Variants in KNDC1 observed in about 807,000 individuals in gnomAD.
The protein encoded by KNDC1 is kinase non-catalytic C-lobe domain-containing protein 1.
In KNDC1, 106 loss-of-function variants were observed where a neutral mutation model predicts 172.8. The observed-to-expected ratio is 0.61, with a 90% CI of 0.52 to 0.72. The LOEUF is 0.72. KNDC1 is among the 30% of genes least tolerant of loss of function. KNDC1 has a pLI of 0.00. For missense variants in KNDC1, 2,325 were observed against 2,394.5 expected (o/e 0.97, Z 0.61); for synonymous variants, 1,083 against 1,062.2 (o/e 1.02, Z -0.38).
intron 20 of KNDC1, among the ~76,000 whole-genome samples, chr10:133,207,581 G>A (rs1308543378): frequency 6.6e-6 from 1 of 152,260 alleles, no homozygotes; most frequent in South Asian, 2.1e-4. Context: ...GTCTCAGGGT[G>A]CGCCTGGTGG....
chr10:133,197,006 T>C (rs367781585), intron 10 of KNDC1, 52 bp from the exon 11 acceptor site: 10 of 1,437,132 alleles, frequency 7.0e-6, no homozygotes, highest in Non-Finnish European at 9.8e-6. Context: ...ACGGGGACGG[T>C]GCAGCCGTGG....
At chr10:133,193,888 T>C (rs1351153510) in intron 9 of KNDC1, among the ~76,000 whole-genome samples, 1 of 152,208 alleles carries the variant, frequency 6.6e-6, no homozygotes, top group Non-Finnish European at 1.5e-5. Flanking sequence ...ATCCTAAACA[T>C]ATATGCACCA....
chr10:133,191,324 A>T (rs1446686166), intron 9 of KNDC1, among the ~76,000 whole-genome samples: 1 of 151,788 alleles, frequency 6.6e-6, no homozygotes, highest in African/African-American at 2.4e-5. Flanking sequence ...GATTGTTTGA[A>T]CCCAGGAGGT....
In KNDC1 at chr10:133,167,586, C is replaced by G. The variant is rs755275661; in HGVS notation, c.301+7C>G. 1 of 1,574,460 alleles carries G rather than the reference C, an allele frequency of 6.4e-7. No homozygotes were observed. On this transcript the variant is annotated splice_region_variant and intron_variant, in intron 2 of 29. Coordinates refer to ENST00000304613, the MANE Select transcript of KNDC1 (RefSeq NM_152643.8). ...TTCATGGAGCAGCTCAGCGGTGAGG[C>G]GGCGGTGGCGGTGGCGGCGGCGGCG...
In KNDC1 at chr10:133,225,219, G is replaced by A. The variant is rs1174784832; in HGVS notation, c.*329G>A. 1.9e-5 allele frequency: 6 copies of A among 319,478 alleles called. No individual in the cohort carries two copies. The highest frequency in any genetic ancestry group is 4.7e-5 in the Admixed American group (1 of 21,126). 19.8% of individuals were successfully genotyped at this position (319,478 alleles called of 1,614,324 possible). A position where few individuals can be genotyped will look rare whatever the true frequency, so the allele number is the denominator to read the frequency against. On this transcript the variant is annotated 3_prime_UTR_variant, in exon 30 of 30. Transcript: ENST00000304613. ...CTGCGCCTCTCACACACAGATAAGTGGCTCTTACCCAGCTCTCAGTGACTC... is the reference window on the plus strand; with the variant it reads ...CTGCGCCTCTCACACACAGATAAGTAGCTCTTACCCAGCTCTCAGTGACTC...
At chr10:133,161,961 C>G (rs1276570765) in intron 1 of KNDC1, among the ~76,000 whole-genome samples, 1 of 152,146 alleles carries the variant, frequency 6.6e-6, no homozygotes, top group Non-Finnish European at 1.5e-5. Context: ...GGCTGTCTTT[C>G]TGCACACTCC....
intron 10 of KNDC1, among the ~76,000 whole-genome samples, 162 bp from the exon 11 acceptor site, chr10:133,196,896 C>CT (rs1333727394): frequency 6.6e-6 from 1 of 152,162 alleles, no homozygotes; most frequent in African/African-American, 2.4e-5. Context: ...AGGAAATGCT[C>CT]TAAGAAAGGC....
In KNDC1 at chr10:133,199,237, T is replaced by C. The variant is rs766750569; in HGVS notation, c.2729T>C (p.Leu910Pro). The C allele has an allele frequency of 3.6e-5, 56 of 1,568,396 alleles. No individual in the cohort carries two copies. Among genetic ancestry groups the C allele is most frequent in the Non-Finnish European group, 4.8e-5 (56 of 1,155,686 alleles). ...IQEEFAFDGY[L>P]DNGLEALIMG... ...GAGGAATTTGCCTTCGATGGCTACC[T>C]GGACAATGGGCTGGAGGCTCTGATC... The change falls in exon 14 of 30, where the codon CTG (leucine) becomes CCG (proline). Residue 910 changes from leucine to proline, a missense_variant. Transcript: ENST00000304613.
At chr10:133,176,480 C>T (rs1853542091) in intron 3 of KNDC1, among the ~76,000 whole-genome samples, 1 of 152,116 alleles carries the variant, frequency 6.6e-6, no homozygotes, top group Admixed American at 6.5e-5. Flanking sequence ...GGTCTCCTGC[C>T]CTCTGTGTGT....
intron 26 of KNDC1, 47 bp downstream of exon 26, chr10:133,214,169 C>T: frequency 6.2e-7 from 1 of 1,604,558 alleles, no homozygotes; most frequent in South Asian, 1.1e-5. Context: ...TGGGGCCCAC[C>T]TACGCGGGGG....
At chr10:133,177,602 T>C (rs919309339) in intron 3 of KNDC1, among the ~76,000 whole-genome samples, 2 of 152,034 alleles carry the variant, frequency 1.3e-5, no homozygotes, top group African/African-American at 4.8e-5. Flanking sequence ...CACATGTGCA[T>C]AATGCATGTG....
In KNDC1 at chr10:133,168,982, C is replaced by T. The variant is rs144865878; in HGVS notation, c.360+670C>T. On this transcript the variant is annotated intron_variant, in intron 3 of 29. Transcript: ENST00000304613. ...GGAATCACCCCGGGGCCTTCAGAGTCGATCAGTCCATCAGGCTGGGCTCTG... is the reference window on the plus strand; with the variant it reads ...GGAATCACCCCGGGGCCTTCAGAGTTGATCAGTCCATCAGGCTGGGCTCTG... Among the ~76,000 whole-genome samples, 917 of 152,326 alleles carry T rather than the reference C, an allele frequency of 6.0e-3. 6 individuals are homozygous for T. Among genetic ancestry groups the T allele is most frequent in the Non-Finnish European group, 8.0e-3 (543 of 68,026 alleles).
Position 133,219,100 on chromosome 10 carries a change from C to T in KNDC1, c.4860+10C>T, listed in dbSNP as rs777317729. 8 of 1,612,750 alleles carry T rather than the reference C, an allele frequency of 5.0e-6. No individual in the cohort carries two copies. The South Asian group carries it at 6.6e-5, about 13-fold the overall frequency. ...GCTGAAAGCCGTGGAGGTACCAGCACTTTACGTGGCCGGGCGGCTTTGGTC... is the reference window on the plus strand; with the variant it reads ...GCTGAAAGCCGTGGAGGTACCAGCATTTTACGTGGCCGGGCGGCTTTGGTC... On this transcript the variant is annotated intron_variant, in intron 28 of 29. Coordinates refer to ENST00000304613, the MANE Select transcript of KNDC1 (RefSeq NM_152643.8).
Position 133,202,985 on chromosome 10 carries a change from G to A in KNDC1, c.3387+1087G>A, listed in dbSNP as rs114251440. 1.3e-3 allele frequency among the ~76,000 whole-genome samples: 203 copies of A among 152,118 alleles called. 1 individual carries two copies. The highest frequency in any genetic ancestry group is 4.7e-3 in the African/African-American group (197 of 41,532). On this transcript the variant is annotated intron_variant, in intron 17 of 29. Transcript: ENST00000304613. The stretch of plus-strand genomic sequence containing the variant: ...CAGGGAGTCCAGCAGGGAGCACTCA[G>A]CCCCCAAACTCACGGCGTCCAGCCG...
chr10:133,206,993 T>C (rs1845214768), intron 19 of KNDC1, 40 bp downstream of exon 19: 2 of 1,580,478 alleles, frequency 1.3e-6, no homozygotes, highest in South Asian at 1.1e-5. Flanking sequence ...CGTGAGGCAG[T>C]AGCTTCAGAC....
At chr10:133,213,043 C>T (rs1375150501) in intron 24 of KNDC1, 121 bp downstream of exon 24, 3 of 882,690 alleles carry the variant, frequency 3.4e-6, no homozygotes, top group Non-Finnish European at 5.1e-6. Flanking sequence ...AAGGGGCCAG[C>T]TGCCAGGTGC....
Position 133,199,201 on chromosome 10 carries a change from G to A in KNDC1, c.2693G>A (p.Arg898His), listed in dbSNP as rs1462152347. Residue 898 changes from arginine to histidine, a missense_variant, in exon 14 of 30, where the codon CGC becomes CAC. Coordinates refer to ENST00000304613, the MANE Select transcript of KNDC1 (RefSeq NM_152643.8). Reference protein sequence around the residue: ...TACPSLQEATRLIQEEFAFDG... With the variant: ...TACPSLQEATHLIQEEFAFDG... ...TGCCCGTCGCTGCAGGAGGCCACGC[G>A]CCTCATCCAGGAGGAATTTGCCTTC... The A allele has an allele frequency of 1.9e-6, 3 of 1,581,932 alleles. No individual in the cohort carries two copies. Among genetic ancestry groups the A allele is most frequent in the Admixed American group, 3.7e-5 (2 of 54,792 alleles).
intron 17 of KNDC1, 148 bp downstream of exon 17, chr10:133,202,046 C>G: frequency 1.1e-6 from 1 of 933,696 alleles, no homozygotes; most frequent in Non-Finnish European, 1.7e-6. Flanking sequence ...CCGTGGCTGT[C>G]AAGATGGTCA....
chr10:133,183,507 T>TG lies in KNDC1; in HGVS notation c.507+20dup, dbSNP rs1271993613. 4 of 1,590,290 alleles carry TG rather than the reference T, an allele frequency of 2.5e-6. No homozygotes were observed. In the South Asian group the frequency reaches 4.6e-5, roughly 18 times the overall value. On this transcript the variant is annotated intron_variant, in intron 4 of 29. Coordinates refer to ENST00000304613, the MANE Select transcript of KNDC1 (RefSeq NM_152643.8). ...GACCTTGAGGTAAGCGAGGCTGCCC[T>TG]GGGCCACCCCAGGCTGTGACCCTGA...
Sources: gnomAD v4.1 joint callset for allele counts (sites outside exome capture counted in the v4.1 genomes callset) on GRCh38, gnomAD v4.1.1 for gene constraint, MANE v1.5 for transcripts, NCBI Gene and HGNC (gene_info 2026-07-23, HGNC 2026-07-21) for gene names.